The following MAD1L1 variants were observed in gnomAD, a reference collection of about 807,000 sequenced individuals.
The protein encoded by MAD1L1 is mitotic spindle assembly checkpoint protein MAD1.
MAD1L1 carries 95 observed loss-of-function variants against 96.9 expected under a neutral mutation model. That is an observed-to-expected ratio of 0.98 (90% confidence interval 0.83 to 1.16). MAD1L1 has a LOEUF of 1.16. Among genes scored for constraint, MAD1L1 ranks in the 50% most tolerant of loss-of-function variants. The pLI, the probability that MAD1L1 is intolerant of heterozygous loss-of-function variation, is 0.00. For synonymous variants in MAD1L1, 473 were observed against 396.6 expected, an observed-to-expected ratio of 1.19 and a Z score of -2.29; for missense variants, 1,007 against 954.4, an observed-to-expected ratio of 1.06 and a Z score of -0.73.
chr7:2,009,569 G>A (rs918226236), intron 13 of MAD1L1, among the ~76,000 whole-genome samples: 3 of 152,182 alleles, frequency 2.0e-5, no homozygotes, highest in Non-Finnish European at 2.9e-5. Context: ...CCCAGCACCT[G>A]CCCCTGGGTG....
intron 18 of MAD1L1, among the ~76,000 whole-genome samples, chr7:1,862,314 T>C (rs1258594372): frequency 1.3e-5 from 2 of 152,152 alleles, no homozygotes; most frequent in African/African-American, 2.4e-5. Flanking sequence ...TTGCCACGGG[T>C]CCCCTGGGAG....
intron 10 of MAD1L1, among the ~76,000 whole-genome samples, chr7:2,210,385 T>C (rs1792852592): frequency 6.6e-6 from 1 of 152,042 alleles, no homozygotes; most frequent in African/African-American, 2.4e-5. Context: ...ATGCACACGT[T>C]TACCAAACCC....
chr7:2,059,649 G>C (rs542985630), intron 12 of MAD1L1, among the ~76,000 whole-genome samples: 12 of 149,498 alleles, frequency 8.0e-5, no homozygotes, highest in African/African-American at 2.7e-4. Context: ...GCTGGAGAGG[G>C]AGCATGGCCA....
chr7:1,938,898 GGC>G (rs72094854), intron 16 of MAD1L1, among the ~76,000 whole-genome samples: 23,752 of 94,902 alleles, frequency 0.25, 3,864 homozygotes, highest in African/African-American at 0.42. Flanking sequence ...CGGGGCCAGA[GGC>G]GCGCACACAC....
intron 18 of MAD1L1, among the ~76,000 whole-genome samples, chr7:1,827,477 G>C (rs1418817340): frequency 1.0e-5 from 1 of 97,288 alleles, no homozygotes; most frequent in South Asian, 3.0e-4. Flanking sequence ...GCGGGTGTGG[G>C]GGCCTCCCCT....
chr7:1,998,614 G>A (rs1343358984), intron 14 of MAD1L1, among the ~76,000 whole-genome samples: 2 of 152,184 alleles, frequency 1.3e-5, no homozygotes, highest in African/African-American at 4.8e-5. Context: ...TGTTCCAGAG[G>A]CAACAGGAAA....
At chr7:2,189,544 A>G (rs963176585) in intron 10 of MAD1L1, among the ~76,000 whole-genome samples, 1 of 152,106 alleles carries the variant, frequency 6.6e-6, no homozygotes, top group Non-Finnish European at 1.5e-5. Flanking sequence ...AGCCAGTCAC[A>G]TAAGGACAAA....
intron 12 of MAD1L1, among the ~76,000 whole-genome samples, chr7:2,017,736 C>T (rs551902545): frequency 2.0e-5 from 3 of 152,316 alleles, no homozygotes; most frequent in South Asian, 4.1e-4. Flanking sequence ...CTAATTACCA[C>T]AGAGCTTTTG....
chr7:2,018,134 T>C (rs1277296041), intron 12 of MAD1L1, among the ~76,000 whole-genome samples: 1 of 152,078 alleles, frequency 6.6e-6, no homozygotes, highest in Non-Finnish European at 1.5e-5. Flanking sequence ...GAGGTGTGCA[T>C]GCCCAGGCCA....
At chr7:1,994,491 G>C (rs1001299682) in intron 14 of MAD1L1, among the ~76,000 whole-genome samples, 2 of 152,216 alleles carry the variant, frequency 1.3e-5, no homozygotes, top group Admixed American at 6.5e-5. Context: ...TGAGGGACCA[G>C]GCAGAGACCC....
chr7:1,899,146 C>CA (rs1220724961), intron 17 of MAD1L1, among the ~76,000 whole-genome samples: 1 of 152,238 alleles, frequency 6.6e-6, no homozygotes, highest in African/African-American at 2.4e-5. Context: ...CCCTGCCCGT[C>CA]AGAGTTTACG....
At chr7:2,102,321 GCCGTCA>G (rs1485110346) in intron 11 of MAD1L1, among the ~76,000 whole-genome samples, 1 of 94,310 alleles carries the variant, frequency 1.1e-5, no homozygotes, top group Non-Finnish European at 2.4e-5. Flanking sequence ...CACCATCACC[GCCGTCA>G]CCATCACCAT....
intron 3 of MAD1L1, among the ~76,000 whole-genome samples, chr7:2,228,302 C>G (rs889814908): frequency 6.6e-6 from 1 of 152,194 alleles, no homozygotes; most frequent in African/African-American, 2.4e-5. Flanking sequence ...AACTCTGTCA[C>G]CCGGGCTGGA....
At chr7:2,214,927 AG>A (rs912722548) in intron 9 of MAD1L1, among the ~76,000 whole-genome samples, 2 of 152,154 alleles carry the variant, frequency 1.3e-5, no homozygotes, top group African/African-American at 2.4e-5. Context: ...CCACAAACTA[AG>A]TGGCTTCAAA....
At chr7:2,041,986 T>C (rs1158431608) in intron 12 of MAD1L1, among the ~76,000 whole-genome samples, 1 of 152,052 alleles carries the variant, frequency 6.6e-6, no homozygotes. Flanking sequence ...ACTAGCTCCC[T>C]GGGAAAGCAG....
At chr7:2,167,497 C>T (rs979081473) in intron 10 of MAD1L1, among the ~76,000 whole-genome samples, 1 of 151,714 alleles carries the variant, frequency 6.6e-6, no homozygotes, top group African/African-American at 2.4e-5. Flanking sequence ...TGCAGTGAGC[C>T]GAGATCACGC....
intron 10 of MAD1L1, among the ~76,000 whole-genome samples, chr7:2,203,437 G>C (rs931947343): frequency 3.9e-5 from 6 of 152,264 alleles, no homozygotes; most frequent in African/African-American, 1.4e-4. Context: ...CAGCACTCAT[G>C]CTTTTCGGGA....
intron 12 of MAD1L1, among the ~76,000 whole-genome samples, chr7:2,030,725 A>T (rs922390791): frequency 1.3e-5 from 2 of 152,248 alleles, no homozygotes; most frequent in Admixed American, 1.3e-4. Context: ...TGTAATGGGC[A>T]CCAATGACCA....
chr7:2,122,048 C>T (rs116273305), intron 11 of MAD1L1, among the ~76,000 whole-genome samples: 1,861 of 152,274 alleles, frequency 0.012, 28 homozygotes, highest in African/African-American at 0.042. Flanking sequence ...CAGAGGAACT[C>T]TTGGGAAAAG....
Sources: gnomAD v4.1 joint callset for allele counts (sites outside exome capture counted in the v4.1 genomes callset) on GRCh38, gnomAD v4.1.1 for gene constraint, MANE v1.5 for transcripts, NCBI Gene and HGNC (gene_info 2026-07-23, HGNC 2026-07-21) for gene names.